Variants in ADGRE1 observed in about 807,000 individuals in gnomAD.
ADGRE1 encodes the protein EGF-like module receptor 1.
ADGRE1 carries 82 observed loss-of-function variants against 102.7 expected under a neutral mutation model. That is an observed-to-expected ratio of 0.80 (90% CI 0.67 to 0.96). The LOEUF (loss-of-function observed/expected upper bound fraction) is 0.96. Ranked by LOEUF, ADGRE1 falls within the 40% of genes least tolerant of loss-of-function variation. The pLI is 0.00. For synonymous variants in ADGRE1, 398 were observed against 399.6 expected (o/e 1.00, Z 0.05); for missense variants, 1,032 against 1,085.3 (o/e 0.95, Z 0.69).
intron 8 of ADGRE1, 112 bp downstream of exon 8, chr19:6,904,294 A>G: frequency 7.5e-7 from 1 of 1,338,558 alleles, no homozygotes; most frequent in South Asian, 1.4e-5. Flanking sequence ...TCATCCACAT[A>G]TTCTGTTTCT....
At chr19:6,899,572 C>A (rs555946221) in intron 5 of ADGRE1, among the ~76,000 whole-genome samples, 4 of 150,316 alleles carry the variant, frequency 2.7e-5, no homozygotes, top group Non-Finnish European at 4.4e-5. Flanking sequence ...CCCAGCTACT[C>A]GGGAGGCTGA....
At chr19:6,912,794 C>T (rs1411744229) in intron 10 of ADGRE1, among the ~76,000 whole-genome samples, 2 of 152,154 alleles carry the variant, frequency 1.3e-5, no homozygotes, top group South Asian at 4.1e-4. Flanking sequence ...TGGACAAGAT[C>T]CTTGCACAAC....
chr19:6,892,718 C>T (rs757505270), intron 2 of ADGRE1, among the ~76,000 whole-genome samples: 1 of 152,182 alleles, frequency 6.6e-6, no homozygotes, highest in Non-Finnish European at 1.5e-5. Context: ...CCTCAGTGTC[C>T]GTCAACAGAT....
intron 5 of ADGRE1, chr19:6,898,199 A>G: frequency 1.1e-6 from 1 of 944,612 alleles, no homozygotes; most frequent in Non-Finnish European, 1.6e-6. Context: ...AAGAAGTACC[A>G]AAGTGAAGCG....
At chr19:6,928,638 A>T (rs200129825) in intron 17 of ADGRE1, 89,685 of 172,606 alleles carry the variant, frequency 0.52, 25,704 homozygotes, top group African/African-American at 0.76. Flanking sequence ...CAAAAAAAAA[A>T]AAATAAATAA....
At chr19:6,903,236 A>T (rs549282535) in intron 6 of ADGRE1, among the ~76,000 whole-genome samples, 1 of 152,212 alleles carries the variant, frequency 6.6e-6, no homozygotes, top group African/African-American at 2.4e-5. Flanking sequence ...TAACTCCCCA[A>T]TATTGCCATG....
At chr19:6,893,388 C>T (rs769738905) in intron 2 of ADGRE1, among the ~76,000 whole-genome samples, 8 of 151,760 alleles carry the variant, frequency 5.3e-5, no homozygotes, top group Non-Finnish European at 8.8e-5. Flanking sequence ...TTAGTAGAGA[C>T]GGGGGCTTCT....
chr19:6,919,542 C>T lies in ADGRE1; in HGVS notation c.1421-6C>T. On this transcript the variant is annotated splice_polypyrimidine_tract_variant and splice_region_variant and intron_variant, in intron 12 of 20. Coordinates refer to ENST00000312053, the MANE Select transcript of ADGRE1 (RefSeq NM_001974.5). ...CTTCCTTTTTTTCATTTGGGGAAAC[C>T]TGCAGAGACCACTGGTGTGGCTTTT... is the stretch of plus-strand genomic sequence containing the variant. 1 of 1,602,746 alleles carries T rather than the reference C, an allele frequency of 6.2e-7. No homozygotes were observed. Among genetic ancestry groups the T allele is most frequent in the Non-Finnish European group, 8.5e-7 (1 of 1,174,584 alleles).
At position 6,903,938 on chromosome 19, in the gene ADGRE1, G is replaced by T. The variant is rs1973858170; in HGVS notation, c.790G>T (p.Val264Leu). The stretch of plus-strand genomic sequence containing the variant: ...ACAGTTGAATTTCACAGACCAAGGA[G>T]TGGAATGTAGAGGTGAGCAGAGAGT... ...NGQLNFTDQG[V>L]ECRDIDECRQ... Residue 264 changes from valine to leucine, a missense_variant, in exon 7 of 21, where the codon GTG becomes TTG. Coordinates refer to ENST00000312053, the MANE Select transcript of ADGRE1 (RefSeq NM_001974.5). 2 of 1,614,232 alleles carry T rather than the reference G, an allele frequency of 1.2e-6. No homozygotes were observed. Among genetic ancestry groups the T allele is most frequent in the Non-Finnish European group, 1.7e-6 (2 of 1,180,038 alleles).
chr19:6,936,436 CAAA>C (rs543860591), intron 18 of ADGRE1, among the ~76,000 whole-genome samples: 1 of 134,614 alleles, frequency 7.4e-6, no homozygotes, highest in Non-Finnish European at 1.6e-5. Flanking sequence ...ACTCCATCTC[CAAA>C]AAAAAAAAAA....
chr19:6,889,507 G>A (rs1439886803), intron 1 of ADGRE1, among the ~76,000 whole-genome samples: 1 of 151,710 alleles, frequency 6.6e-6, no homozygotes, highest in Non-Finnish European at 1.5e-5. Flanking sequence ...TGGCCAACAT[G>A]GAGAAACCCC....
intron 20 of ADGRE1, among the ~76,000 whole-genome samples, chr19:6,939,033 T>G (rs1336460806): frequency 6.6e-6 from 1 of 152,046 alleles, no homozygotes; most frequent in African/African-American, 2.4e-5. Flanking sequence ...TGACCTCAGG[T>G]GATCCACCTG....
At position 6,921,856 on chromosome 19, in the gene ADGRE1, C is replaced by A. The variant is rs767928378; in HGVS notation, c.1764C>A (p.Ala588=). ...GCTGTAATCAGATGGCAAATCTTGCCGTTATCATGGCGTCTGGGGAGCTCA... is the reference window on the plus strand; with the variant it reads ...GCTGTAATCAGATGGCAAATCTTGCAGTTATCATGGCGTCTGGGGAGCTCA... ...ICSCNQMANL[A]VIMASGELTM... The change falls in exon 14 of 21, where the codon GCC becomes GCA. Residue 588 remains alanine, a synonymous_variant. Coordinates refer to ENST00000312053, the MANE Select transcript of ADGRE1 (RefSeq NM_001974.5). 1.2e-6 allele frequency: 2 copies of A among 1,613,874 alleles called. No homozygotes were observed. Among genetic ancestry groups the A allele is most frequent in the South Asian group, 1.1e-5 (1 of 91,064 alleles).
chr19:6,938,344 A>AAAATT (rs1555719205), intron 20 of ADGRE1, among the ~76,000 whole-genome samples: 6 of 151,372 alleles, frequency 4.0e-5, no homozygotes, highest in East Asian at 1.9e-4. Context: ...TCTCAAAAAA[A>AAAATT]AATTAAATAA....
chr19:6,908,343 T>C, intron 9 of ADGRE1, among the ~76,000 whole-genome samples: 1 of 152,236 alleles, frequency 6.6e-6, no homozygotes, highest in South Asian at 2.1e-4. Flanking sequence ...CTGAAGGCTG[T>C]GAGACCCCTG....
rs745580800 is a variant in ADGRE1 at position 6,937,636 on chromosome 19, C to T, written c.2643C>T (p.Ser881=). 94 of 1,614,024 alleles carry T rather than the reference C, an allele frequency of 5.8e-5. No individual in the cohort carries two copies. Among genetic ancestry groups the T allele is most frequent in the East Asian group, 1.3e-4 (6 of 44,872 alleles). The change falls in exon 20 of 21, where the codon TCC becomes TCT. Residue 881 remains serine, a synonymous_variant. Transcript: ENST00000312053. ...TSRILLSSMP[S]ASKTG ...GGATCTTGCTGTCCTCCATGCCATC[C>T]GCTTCCAAGACGGTGAGAGACTGCA...
intron 12 of ADGRE1, among the ~76,000 whole-genome samples, chr19:6,916,583 A>G (rs1421061807): frequency 6.6e-6 from 1 of 151,958 alleles, no homozygotes; most frequent in East Asian, 1.9e-4. Context: ...GGCCTATATG[A>G]TATGTGCTGG....
intron 9 of ADGRE1, 73 bp from the exon 10 acceptor site, chr19:6,908,616 G>T: frequency 7.3e-7 from 1 of 1,368,458 alleles, no homozygotes; most frequent in Non-Finnish European, 1.0e-6. Flanking sequence ...GGGCTAATTT[G>T]TAGATTACAT....
Position 6,921,974 on chromosome 19 carries a change from A to G in ADGRE1, c.1791+91A>G, listed in dbSNP as rs1024459731. 8.9e-6 allele frequency: 13 copies of G among 1,454,758 alleles called. No homozygotes were observed. The African/African-American group carries it at 1.5e-4, about 17-fold the overall frequency. The allele number at this position is 1,454,758 out of a possible 1,614,324, so 90.1% of individuals were successfully genotyped here. A position where few individuals can be genotyped will look rare whatever the true frequency, so the allele number is the denominator to read the frequency against. ...ATTAAACATCTGTTGTGTGTCTCCC[A>G]TGGGGTTGGGTGTTGTGGGATGGAG... On this transcript the variant is annotated intron_variant, in intron 14 of 20. Coordinates refer to ENST00000312053, the MANE Select transcript of ADGRE1 (RefSeq NM_001974.5).
Sources: allele counts gnomAD v4.1 joint callset (sites outside exome capture counted in the v4.1 genomes callset), GRCh38; gene constraint gnomAD v4.1.1; transcripts MANE v1.5; gene names NCBI Gene and HGNC (gene_info 2026-07-23, HGNC 2026-07-21).